The following USP6NL variants were observed in gnomAD, a reference collection of about 807,000 sequenced individuals.
The protein encoded by USP6NL is USP6 N-terminal like.
In USP6NL, 26 loss-of-function variants were observed where a neutral mutation model predicts 61.9. The observed-to-expected ratio is 0.42, with a 90% CI of 0.31 to 0.58. USP6NL has a LOEUF of 0.58. Among genes scored for constraint, USP6NL ranks in the 20% least tolerant of loss-of-function variants. USP6NL has a pLI of 0.16. For missense variants in USP6NL, 1,114 were observed against 1,034.3 expected (o/e 1.08, Z -1.06); for synonymous variants, 432 against 390.1 (o/e 1.11, Z -1.27).
intron 2 of USP6NL, among the ~76,000 whole-genome samples, chr10:11,569,635 G>A (rs904290085): frequency 2.6e-5 from 4 of 152,178 alleles, no homozygotes; most frequent in Non-Finnish European, 4.4e-5. Flanking sequence ...TGTGACTGCT[G>A]GAGAAGGAGG....
At position 11,575,984 on chromosome 10, in the gene USP6NL, T is replaced by C. The variant is rs1482551498; in HGVS notation, c.4+21647A>G. ...TAGATTCATCAGTTAATTTCCTAAC[T>C]ATGACCACTGCACTGTAGTTATGTA... On this transcript the variant is annotated intron_variant, in intron 2 of 14. Coordinates refer to ENST00000609104, the MANE Select transcript of USP6NL (RefSeq NM_014688.5). The surrounding 1 kb of genome is among the most constrained non-coding windows in gnomAD (Gnocchi z 4.2). 6.6e-6 allele frequency among the ~76,000 whole-genome samples: 1 copy of C among 152,048 alleles called. No individual in the cohort carries two copies.
At chr10:11,557,108 T>C (rs1205401406) in intron 2 of USP6NL, among the ~76,000 whole-genome samples, 1 of 152,262 alleles carries the variant, frequency 6.6e-6, no homozygotes, top group Non-Finnish European at 1.5e-5. Flanking sequence ...ATAAATGTCA[T>C]TAATTATACA....
chr10:11,462,402 G>A lies in USP6NL; in HGVS notation c.*39C>T, dbSNP rs772765359. 3.1e-6 allele frequency: 5 copies of A among 1,587,348 alleles called. No individual in the cohort carries two copies. Among genetic ancestry groups the A allele is most frequent in the Admixed American group, 1.8e-5 (1 of 56,878 alleles). ...ATGAACATAGCAATGTAGGTTTCAC[G>A]TGGTTTCTCTCTCGTCTTTAGCAAG... On this transcript the variant is annotated 3_prime_UTR_variant, in exon 15 of 15. Coordinates refer to ENST00000609104, the MANE Select transcript of USP6NL (RefSeq NM_014688.5).
chr10:11,483,543 A>G (rs1255342030), intron 13 of USP6NL, among the ~76,000 whole-genome samples: 3 of 53,340 alleles, frequency 5.6e-5, no homozygotes, highest in Non-Finnish European at 1.1e-4. Flanking sequence ...AGGGAGAGAG[A>G]GAGGGAGGGA....
rs1036823419 is a variant in USP6NL at position 11,591,150 on chromosome 10, C to T, written c.4+6481G>A. On this transcript the variant is annotated intron_variant, in intron 2 of 14. Coordinates refer to ENST00000609104, the MANE Select transcript of USP6NL (RefSeq NM_014688.5). The surrounding 1 kb of genome is among the most constrained non-coding windows in gnomAD (Gnocchi z 4.7). Reference sequence around the variant, plus strand: ...TACCAGCAGCAAAGCCAGGGTTCCACCTCAAGTCTCTGGGACTCTGGGAAC... The same window carrying T: ...TACCAGCAGCAAAGCCAGGGTTCCATCTCAAGTCTCTGGGACTCTGGGAAC... Among the ~76,000 whole-genome samples the T allele has an allele frequency of 3.3e-5, 5 of 152,116 alleles. No homozygotes were observed. Among genetic ancestry groups the T allele is most frequent in the Admixed American group, 6.6e-5 (1 of 15,264 alleles).
intron 6 of USP6NL, 42 bp from the exon 7 acceptor site, chr10:11,501,250 AAACTT>A (rs1243723567): frequency 1.3e-6 from 2 of 1,483,292 alleles, no homozygotes; most frequent in African/African-American, 2.8e-5. Flanking sequence ...AAACTGAAAA[AAACTT>A]AGATTAGTCT....
At chr10:11,516,480 TAACTC>T (rs1362747339) in intron 5 of USP6NL, among the ~76,000 whole-genome samples, 3 of 152,164 alleles carry the variant, frequency 2.0e-5, no homozygotes, top group Non-Finnish European at 4.4e-5. Context: ...CACAAGAACT[TAACTC>T]AAACCTGAAG....
Position 11,611,352 on chromosome 10 carries a change from G to T in USP6NL, c.-84+91C>A, listed in dbSNP as rs1347701475. The T allele has an allele frequency of 2.0e-5, 3 of 152,042 alleles. No homozygotes were observed. The highest frequency in any genetic ancestry group is 7.2e-5 in the African/African-American group (3 of 41,390). 9.4% of individuals were successfully genotyped at this position (152,042 alleles called of 1,614,324 possible). ...CGGGAATGGCGGCGTCCGGCTCCCC[G>T]GGGCCAACTCCGAGTCCCGGCCCGG... On this transcript the variant is annotated intron_variant, in intron 1 of 14. Transcript: ENST00000609104. The surrounding 1 kb of genome is among the most constrained non-coding windows in gnomAD (Gnocchi z 5.3).
Position 11,513,449 on chromosome 10 carries a change from T to C in USP6NL, c.196-3774A>G, listed in dbSNP as rs1252489488. 6.6e-6 allele frequency among the ~76,000 whole-genome samples: 1 copy of C among 152,250 alleles called. No individual in the cohort carries two copies. Among genetic ancestry groups the C allele is most frequent in the African/African-American group, 2.4e-5 (1 of 41,476 alleles). On this transcript the variant is annotated intron_variant, in intron 5 of 14. Transcript: ENST00000609104. The surrounding 1 kb of genome is among the most constrained non-coding windows in gnomAD (Gnocchi z 4.7). Reference sequence around the variant, plus strand: ...ATATTAAATAATTCTGTTGGCTTCATACACAAACATCTTAGTTCTCTCAAT... The same window carrying C: ...ATATTAAATAATTCTGTTGGCTTCACACACAAACATCTTAGTTCTCTCAAT...
rs1833542403 is a variant in USP6NL, at chr10:11,487,969, G to A, written c.664+1133C>T. ...GCTTATTCACAAACTGAACTTGGAA[G>A]ATCCATTCTTAGAATAACTAGTGTT... On this transcript the variant is annotated intron_variant, in intron 10 of 14. Transcript: ENST00000609104. The surrounding 1 kb of genome is among the most constrained non-coding windows in gnomAD (Gnocchi z 4.2). Among the ~76,000 whole-genome samples the A allele has an allele frequency of 6.6e-6, 1 of 152,174 alleles. No individual in the cohort carries two copies. Among genetic ancestry groups the A allele is most frequent in the African/African-American group, 2.4e-5 (1 of 41,436 alleles).
rs138449234 is a variant in USP6NL, at chr10:11,543,628, C to T, written c.5-16061G>A. ...TTATCTTCCTAATAGGGAATATATTCGAGAAAAATAACAGTAGTAGAATGT... is the reference window on the plus strand; with the variant it reads ...TTATCTTCCTAATAGGGAATATATTTGAGAAAAATAACAGTAGTAGAATGT... On this transcript the variant is annotated intron_variant, in intron 2 of 14. Coordinates refer to ENST00000609104, the MANE Select transcript of USP6NL (RefSeq NM_014688.5). Among the ~76,000 whole-genome samples, 245 of 151,742 alleles carry T rather than the reference C, an allele frequency of 1.6e-3. 1 individual carries two copies. The highest frequency in any genetic ancestry group is 0.014 in the Admixed American group (209 of 15,240).
At position 11,532,203 on chromosome 10, in the gene USP6NL, T is replaced by C; in HGVS notation, c.5-4636A>G. ...CCTTTGTGAGATAATCAGTCTGGCC[T>C]TGGGAATTAACAACAGCTTCAGTCC... is the stretch of plus-strand genomic sequence containing the variant. On this transcript the variant is annotated intron_variant, in intron 2 of 14. Coordinates refer to ENST00000609104, the MANE Select transcript of USP6NL (RefSeq NM_014688.5). This position sits in a 1 kb window ranked among gnomAD's most constrained non-coding sequence, Gnocchi z 4.1. The C allele has an allele frequency of 6.2e-7, 1 of 1,603,732 alleles. No homozygotes were observed.
At position 11,532,076 on chromosome 10, in the gene USP6NL, T is replaced by C. The variant is rs1422845435; in HGVS notation, c.5-4509A>G. 4.7e-6 allele frequency: 4 copies of C among 858,646 alleles called. No individual in the cohort carries two copies. In the African/African-American group the frequency reaches 5.1e-5, roughly 11 times the overall value. The allele number at this position is 858,646 out of a possible 1,614,324, so 53.2% of individuals were successfully genotyped here. On this transcript the variant is annotated intron_variant, in intron 2 of 14. Coordinates refer to ENST00000609104, the MANE Select transcript of USP6NL (RefSeq NM_014688.5). The surrounding 1 kb of genome is among the most constrained non-coding windows in gnomAD (Gnocchi z 4.1). ...ATTCATACAAAGTTACTAAGGTTCA[T>C]TTCCAATAAAATAAAATTTACAGCA...
rs144253418 is a variant in USP6NL, at chr10:11,475,456, C to T, written c.1078+6314G>A. Among the ~76,000 whole-genome samples, 604 of 151,780 alleles carry T rather than the reference C, an allele frequency of 4.0e-3. 3 individuals are homozygous for T. The highest frequency in any genetic ancestry group is 6.5e-3 in the Non-Finnish European group (441 of 67,882). ...AAAAAAAATTACAAAATTAGCCGGG[C>T]GTGGTGGCATATGCCTATAATCCCA... On this transcript the variant is annotated intron_variant, in intron 14 of 14. Transcript: ENST00000609104.
chr10:11,582,204 G>A (rs573409959), intron 2 of USP6NL, among the ~76,000 whole-genome samples: 32 of 152,316 alleles, frequency 2.1e-4, no homozygotes, highest in African/African-American at 4.8e-4. Context: ...GACCTCAGGC[G>A]ATCTGCCCAA....
At chr10:11,508,937 T>C (rs573030059) in intron 6 of USP6NL, among the ~76,000 whole-genome samples, 38 of 152,370 alleles carry the variant, frequency 2.5e-4, no homozygotes, top group South Asian at 1.2e-3. Context: ...CCACTGATGA[T>C]ATTTGACCTT....
intron 2 of USP6NL, among the ~76,000 whole-genome samples, chr10:11,580,045 C>T (rs1049842061): frequency 6.6e-6 from 1 of 150,418 alleles, no homozygotes; most frequent in African/African-American, 2.4e-5. Context: ...TGCATAGACC[C>T]AAAGATGCCG....
Position 11,562,489 on chromosome 10 carries a change from A to C in USP6NL, c.5-34922T>G. On this transcript the variant is annotated intron_variant, in intron 2 of 14. Coordinates refer to ENST00000609104, the MANE Select transcript of USP6NL (RefSeq NM_014688.5). This position sits in a 1 kb window ranked among gnomAD's most constrained non-coding sequence, Gnocchi z 4.8. ...TGAGGACAAGGATTAAGTGTGGCTG[A>C]GGAGAAACGTGAAAAGAGCCGGGTC... The C allele has an allele frequency of 3.0e-6, 3 of 985,398 alleles. No individual in the cohort carries two copies. Among genetic ancestry groups the C allele is most frequent in the Non-Finnish European group, 3.6e-6 (3 of 829,922 alleles). 61.0% of individuals were successfully genotyped at this position (985,398 alleles called of 1,614,324 possible).
chr10:11,593,578 A>C (rs1588419074), intron 2 of USP6NL, among the ~76,000 whole-genome samples: 1 of 152,256 alleles, frequency 6.6e-6, no homozygotes, highest in Admixed American at 6.5e-5. Context: ...ACTAAAAATC[A>C]AAAGGCTTTT....
Sources: gnomAD v4.1 joint callset for allele counts (sites outside exome capture counted in the v4.1 genomes callset) on GRCh38, gnomAD v4.1.1 for gene constraint, Gnocchi (gnomAD v3.1) non-coding constraint, MANE v1.5 for transcripts, NCBI Gene and HGNC (gene_info 2026-07-23, HGNC 2026-07-21) for gene names.